CSMD1: variants seen among roughly 807,000 people sequenced by gnomAD.
The protein encoded by CSMD1 is CUB and sushi domain-containing protein 1.
CSMD1 carries 213 observed loss-of-function variants against 417.5 expected under a neutral mutation model. The observed-to-expected ratio is 0.51, with a 90% CI of 0.46 to 0.57. The LOEUF is 0.57. Among genes scored for constraint, CSMD1 ranks in the 20% least tolerant of loss-of-function variants. The pLI, the probability that CSMD1 is intolerant of heterozygous loss-of-function variation, is 0.00. For synonymous variants in CSMD1, 2,862 were observed against 1,736.8 expected, an observed-to-expected ratio of 1.65 and a Z score of -16.11; for missense variants, 6,923 against 4,529.7, an observed-to-expected ratio of 1.53 and a Z score of -15.17.
intron 5 of CSMD1, among the ~76,000 whole-genome samples, chr8:3,925,507 G>C (rs1451370174): frequency 6.6e-6 from 1 of 152,120 alleles, no homozygotes; most frequent in Admixed American, 6.5e-5. Flanking sequence ...ATGCGGTTTG[G>C]CTGGGTCCCC....
intron 54 of CSMD1, among the ~76,000 whole-genome samples, chr8:2,984,589 C>T (rs1412043100): frequency 6.6e-6 from 1 of 152,206 alleles, no homozygotes; most frequent in Non-Finnish European, 1.5e-5. Flanking sequence ...CCTCGTGATC[C>T]ACCCACCTTG....
intron 52 of CSMD1, among the ~76,000 whole-genome samples, chr8:3,003,967 C>G (rs1807652941): frequency 6.6e-6 from 1 of 152,174 alleles, no homozygotes; most frequent in Non-Finnish European, 1.5e-5. Context: ...TCCTGTCCAG[C>G]TTAGTACATA....
intron 22 of CSMD1, among the ~76,000 whole-genome samples, chr8:3,346,461 C>A (rs181202316): frequency 1.1e-4 from 16 of 152,302 alleles, no homozygotes; most frequent in Admixed American, 9.8e-4. Context: ...TAAGAATGTG[C>A]TAGTTTCCTG....
At chr8:4,270,018 T>G (rs1804481219) in intron 3 of CSMD1, among the ~76,000 whole-genome samples, 1 of 152,172 alleles carries the variant, frequency 6.6e-6, no homozygotes, top group East Asian at 1.9e-4. Context: ...GAGCTTCAAC[T>G]CTGCAGTGTA....
intron 1 of CSMD1, among the ~76,000 whole-genome samples, chr8:4,699,858 G>A (rs752396934): frequency 2.6e-5 from 4 of 152,186 alleles, no homozygotes; most frequent in African/African-American, 7.2e-5. Context: ...ACAATACTGC[G>A]AGCAAGAACA....
chr8:4,855,693 G>C (rs566542671), intron 1 of CSMD1, among the ~76,000 whole-genome samples: 3 of 152,076 alleles, frequency 2.0e-5, no homozygotes, highest in Non-Finnish European at 4.4e-5. Context: ...ATGAAATGAA[G>C]CGAGAAGGGA....
rs372953548 is a variant in CSMD1, at chr8:4,170,011, G to T, written c.416-137912C>A. Among the ~76,000 whole-genome samples, 3 of 151,848 alleles carry T rather than the reference G, an allele frequency of 2.0e-5. No individual in the cohort carries two copies. The East Asian group carries it at 5.8e-4, about 29-fold the overall frequency. Reference sequence around the variant, plus strand: ...GAAGAGTGTTAGAGCCTAAGAGATCGTAAAATCAATAAGAGATTAAATAAT... The same window carrying T: ...GAAGAGTGTTAGAGCCTAAGAGATCTTAAAATCAATAAGAGATTAAATAAT... On this transcript the variant is annotated intron_variant, in intron 3 of 69. Coordinates refer to ENST00000635120, the MANE Select transcript of CSMD1 (RefSeq NM_033225.6).
At position 4,387,207 on chromosome 8, in the gene CSMD1, C is replaced by G. The variant is rs527600953; in HGVS notation, c.415+32746G>C. 5.2e-4 allele frequency among the ~76,000 whole-genome samples: 79 copies of G among 152,286 alleles called. 1 individual carries two copies. In the South Asian group the frequency reaches 0.016, roughly 32 times the overall value. On this transcript the variant is annotated intron_variant, in intron 3 of 69. Coordinates refer to ENST00000635120, the MANE Select transcript of CSMD1 (RefSeq NM_033225.6). Reference sequence around the variant, plus strand: ...GGCTAGGAGGTATCTGAGTGTCACTCACTTTGTCTAAACAAATGTAAATAT... The same window carrying G: ...GGCTAGGAGGTATCTGAGTGTCACTGACTTTGTCTAAACAAATGTAAATAT...
chr8:3,248,926 T>G (rs763274243), intron 26 of CSMD1, among the ~76,000 whole-genome samples: 24 of 152,094 alleles, frequency 1.6e-4, no homozygotes, highest in Admixed American at 9.2e-4. Flanking sequence ...TCCCTGACCT[T>G]TTCTAGTCAG....
At chr8:3,181,734 G>C (rs892530351) in intron 36 of CSMD1, among the ~76,000 whole-genome samples, 1 of 152,108 alleles carries the variant, frequency 6.6e-6, no homozygotes, top group Non-Finnish European at 1.5e-5. Flanking sequence ...TTCAACTAAA[G>C]ATGCATGAAA....
chr8:3,154,317 G>C (rs1819383254), intron 39 of CSMD1, among the ~76,000 whole-genome samples: 1 of 152,142 alleles, frequency 6.6e-6, no homozygotes, highest in Non-Finnish European at 1.5e-5. Flanking sequence ...GTCTTAGATT[G>C]GTTCAGTGTC....
At chr8:3,319,524 A>C (rs1381438007) in intron 23 of CSMD1, among the ~76,000 whole-genome samples, 1 of 152,216 alleles carries the variant, frequency 6.6e-6, no homozygotes, top group Non-Finnish European at 1.5e-5. Context: ...AAATACCATA[A>C]TTAAAATGTA....
At chr8:3,374,696 G>A (rs945866776) in intron 18 of CSMD1, among the ~76,000 whole-genome samples, 2 of 152,116 alleles carry the variant, frequency 1.3e-5, no homozygotes, top group Admixed American at 6.6e-5. Context: ...ATGGTAGCAG[G>A]GTGCCCCGAG....
At chr8:4,795,828 C>T (rs887071400) in intron 1 of CSMD1, among the ~76,000 whole-genome samples, 3 of 151,946 alleles carry the variant, frequency 2.0e-5, no homozygotes, top group Non-Finnish European at 2.9e-5. Flanking sequence ...CTGAGGCAGC[C>T]CTTCTTCAAA....
chr8:4,714,948 G>C (rs1396352549), intron 1 of CSMD1, among the ~76,000 whole-genome samples: 1 of 152,132 alleles, frequency 6.6e-6, no homozygotes, highest in Non-Finnish European at 1.5e-5. Flanking sequence ...AGAGAATTCT[G>C]CTGCTGTTTT....
At chr8:3,058,800 G>A (rs1812402839) in intron 49 of CSMD1, among the ~76,000 whole-genome samples, 1 of 151,822 alleles carries the variant, frequency 6.6e-6, no homozygotes, top group African/African-American at 2.4e-5. Context: ...GCCCACACAC[G>A]GTTTACAAAC....
intron 54 of CSMD1, among the ~76,000 whole-genome samples, chr8:2,986,313 C>A (rs1228953526): frequency 6.6e-6 from 1 of 152,126 alleles, no homozygotes; most frequent in Non-Finnish European, 1.5e-5. Context: ...GTGGCTACCA[C>A]TTCCTTGATT....
chr8:4,804,750 G>A (rs1196614262), intron 1 of CSMD1, among the ~76,000 whole-genome samples: 2 of 152,120 alleles, frequency 1.3e-5, no homozygotes, highest in African/African-American at 2.4e-5. Context: ...AAGCCTTCAA[G>A]AAAAGTATCT....
chr8:3,250,755 C>T (rs546721776), intron 26 of CSMD1, among the ~76,000 whole-genome samples: 3 of 152,306 alleles, frequency 2.0e-5, no homozygotes, highest in South Asian at 2.1e-4. Flanking sequence ...GATTGCCATT[C>T]TAACTGGTGT....
Sources: allele counts gnomAD v4.1 joint callset (sites outside exome capture counted in the v4.1 genomes callset), GRCh38; gene constraint gnomAD v4.1.1; transcripts MANE v1.5; gene names NCBI Gene and HGNC (gene_info 2026-07-23, HGNC 2026-07-21).